HUNK: variants seen among roughly 807,000 people sequenced by gnomAD.
HUNK encodes the protein hormonally up-regulated neu tumor-associated kinase.
HUNK carries 21 observed loss-of-function variants against 61.0 expected under a neutral mutation model. The observed-to-expected ratio is 0.34, with a 90% CI of 0.24 to 0.50. The LOEUF is 0.50. Among genes scored for constraint, HUNK ranks in the 20% least tolerant of loss-of-function variants. The pLI, the probability that HUNK is intolerant of heterozygous loss-of-function variation, is 0.98. For synonymous variants in HUNK, 371 were observed against 386.1 expected, an observed-to-expected ratio of 0.96 and a Z score of 0.46; for missense variants, 772 against 945.7, an observed-to-expected ratio of 0.82 and a Z score of 2.41.
intron 2 of HUNK, among the ~76,000 whole-genome samples, chr21:31,926,995 TTCTC>T (rs139830342): frequency 0.12 from 18,801 of 151,248 alleles, 1,182 homozygotes; most frequent in South Asian, 0.19. Flanking sequence ...CTTTCTTTCT[TTCTC>T]TCTCTCTCTT....
intron 2 of HUNK, among the ~76,000 whole-genome samples, chr21:31,939,557 C>T (rs1232135310): frequency 2.0e-5 from 3 of 151,626 alleles, no homozygotes; most frequent in Non-Finnish European, 2.9e-5. Flanking sequence ...TACAGGCATG[C>T]GCCGCCATGC....
At position 31,904,412 on chromosome 21, in the gene HUNK, C is replaced by T. The variant is rs183128938; in HGVS notation, c.262-20056C>T. Among the ~76,000 whole-genome samples the T allele has an allele frequency of 1.0e-3, 159 of 152,174 alleles. 3 individuals are homozygous for T. Among genetic ancestry groups the T allele is most frequent in the African/African-American group, 3.7e-3 (154 of 41,516 alleles). On this transcript the variant is annotated intron_variant, in intron 1 of 10. Transcript: ENST00000270112. ...CTAATGCAAATAAAAAGATGGTGAC[C>T]TCTTTTTGCAAAGATAAGCAAGAAG...
intron 9 of HUNK, among the ~76,000 whole-genome samples, chr21:31,991,506 A>C (rs1256689988): frequency 6.6e-6 from 1 of 152,216 alleles, no homozygotes; most frequent in East Asian, 1.9e-4. Flanking sequence ...AGCATGAGCC[A>C]CTGCGCCCGG....
intron 5 of HUNK, among the ~76,000 whole-genome samples, chr21:31,960,495 G>T (rs116351427): frequency 0.02 from 3,026 of 152,002 alleles, 103 homozygotes; most frequent in African/African-American, 0.069. Flanking sequence ...GCCTTCATCT[G>T]GTGTACTAGT....
intron 8 of HUNK, among the ~76,000 whole-genome samples, chr21:31,985,372 G>A (rs531616141): frequency 6.6e-6 from 1 of 152,220 alleles, no homozygotes; most frequent in Non-Finnish European, 1.5e-5. Flanking sequence ...GGCTGCAGTG[G>A]AGCATGGTGG....
intron 2 of HUNK, among the ~76,000 whole-genome samples, chr21:31,937,404 G>C (rs2052739847): frequency 6.6e-6 from 1 of 152,210 alleles, no homozygotes; most frequent in Non-Finnish European, 1.5e-5. Context: ...TTGATTGTGA[G>C]AGTTTGAGAG....
intron 9 of HUNK, 65 bp downstream of exon 9, chr21:31,990,241 GGAGA>G: frequency 1.5e-6 from 2 of 1,365,306 alleles, no homozygotes; most frequent in Non-Finnish European, 2.1e-6. Context: ...AATAGAGTAT[GGAGA>G]GAGAGAGAGA....
intron 7 of HUNK, among the ~76,000 whole-genome samples, chr21:31,978,474 C>A (rs967757535): frequency 1.3e-5 from 2 of 152,140 alleles, no homozygotes; most frequent in Admixed American, 6.5e-5. Flanking sequence ...AATATCTCTT[C>A]TGCCCACTTT....
chr21:31,955,006 C>T (rs576858836), intron 4 of HUNK, among the ~76,000 whole-genome samples: 2 of 152,196 alleles, frequency 1.3e-5, no homozygotes, highest in South Asian at 2.1e-4. Context: ...AGGCTGATCT[C>T]GAACTCCTGA....
At chr21:31,874,825 T>C (rs1876215739) in intron 1 of HUNK, among the ~76,000 whole-genome samples, 1 of 151,882 alleles carries the variant, frequency 6.6e-6, no homozygotes, top group Non-Finnish European at 1.5e-5. Flanking sequence ...TCTCCAGCCT[T>C]GTTGGAAGTT....
At chr21:31,935,429 G>A (rs929765064) in intron 2 of HUNK, among the ~76,000 whole-genome samples, 1 of 152,170 alleles carries the variant, frequency 6.6e-6, no homozygotes, top group Non-Finnish European at 1.5e-5. Flanking sequence ...TAAGGTCTGA[G>A]TTTACCTTAG....
intron 7 of HUNK, among the ~76,000 whole-genome samples, chr21:31,978,640 T>C (rs1022398177): frequency 5.9e-5 from 9 of 152,214 alleles, no homozygotes; most frequent in African/African-American, 9.6e-5. Context: ...TTCATCCATA[T>C]TGTCAAAAAT....
At chr21:31,893,113 A>G (rs2052402516) in intron 1 of HUNK, among the ~76,000 whole-genome samples, 1 of 152,122 alleles carries the variant, frequency 6.6e-6, no homozygotes. Flanking sequence ...ACCACATTTA[A>G]GGACATCGTA....
intron 6 of HUNK, among the ~76,000 whole-genome samples, chr21:31,972,520 C>A (rs111816765): frequency 6.6e-6 from 1 of 152,078 alleles, no homozygotes; most frequent in East Asian, 1.9e-4. Context: ...GGGTGTCTGC[C>A]CCTGTGCACA....
At chr21:31,879,448 T>A (rs1350064430) in intron 1 of HUNK, among the ~76,000 whole-genome samples, 1 of 152,232 alleles carries the variant, frequency 6.6e-6, no homozygotes, top group Non-Finnish European at 1.5e-5. Flanking sequence ...TACTTGTGAA[T>A]GATGGAAATT....
intron 3 of HUNK, among the ~76,000 whole-genome samples, chr21:31,943,221 G>T (rs2833567): frequency 0.29 from 43,920 of 152,014 alleles, 6,991 homozygotes; most frequent in African/African-American, 0.42. Flanking sequence ...GGAGTAAGAT[G>T]TGATTTAATC....
rs2052309580 is a variant in HUNK, at chr21:31,881,768, G to T, written c.261+7833G>T. On this transcript the variant is annotated intron_variant, in intron 1 of 10. Coordinates refer to ENST00000270112, the MANE Select transcript of HUNK (RefSeq NM_014586.2). The stretch of plus-strand genomic sequence containing the variant: ...CCATGAACCAGCTTCTCTTCAGCCT[G>T]CCCTACCTTGCTGCTCGACTGTGGT... 2.0e-5 allele frequency among the ~76,000 whole-genome samples: 3 copies of T among 152,248 alleles called. No homozygotes were observed. In the South Asian group the frequency reaches 6.2e-4, roughly 32 times the overall value.
At chr21:31,882,778 C>G (rs1189625973) in intron 1 of HUNK, among the ~76,000 whole-genome samples, 1 of 152,148 alleles carries the variant, frequency 6.6e-6, no homozygotes, top group Non-Finnish European at 1.5e-5. Context: ...ATGTTTGTAC[C>G]CATGAACCAG....
chr21:31,919,157 G>A (rs1161293129), intron 1 of HUNK, among the ~76,000 whole-genome samples: 5 of 147,704 alleles, frequency 3.4e-5, no homozygotes, highest in Non-Finnish European at 7.5e-5. Flanking sequence ...GAGGAGGAGG[G>A]GCTGGACTGA....
Sources: allele counts gnomAD v4.1 joint callset (sites outside exome capture counted in the v4.1 genomes callset), GRCh38; gene constraint gnomAD v4.1.1; transcripts MANE v1.5; gene names NCBI Gene and HGNC (gene_info 2026-07-23, HGNC 2026-07-21).